Variants in TANC1 observed in about 807,000 individuals in gnomAD.
TANC1 encodes tetratricopeptide repeat, ankyrin repeat and coiled-coil containing 1, also known as protein TANC1.
In TANC1, 77 loss-of-function variants were observed where a neutral mutation model predicts 149.7. The observed-to-expected ratio is 0.51, with a 90% CI of 0.43 to 0.62. The LOEUF (loss-of-function observed/expected upper bound fraction) is 0.62. TANC1 is among the 20% of genes least tolerant of loss of function. The pLI, the probability that TANC1 is intolerant of heterozygous loss-of-function variation, is 0.00. For synonymous variants in TANC1, 854 were observed against 925.0 expected (o/e 0.92, Z 1.39); for missense variants, 1,985 against 2,321.8 (o/e 0.85, Z 2.98).
At chr2:159,022,893 T>G (rs1338566821) in intron 2 of TANC1, among the ~76,000 whole-genome samples, 3 of 152,050 alleles carry the variant, frequency 2.0e-5, no homozygotes, top group African/African-American at 7.2e-5. Flanking sequence ...TTTGATGACT[T>G]TGGGCTAGGT....
chr2:159,156,777 C>T (rs2053482866), intron 7 of TANC1, among the ~76,000 whole-genome samples: 1 of 152,216 alleles, frequency 6.6e-6, no homozygotes, highest in Non-Finnish European at 1.5e-5. Flanking sequence ...TTTATCAAAA[C>T]ACTGTGCTTT....
At chr2:159,206,277 G>A (rs757664395) in intron 19 of TANC1, among the ~76,000 whole-genome samples, 8 of 152,160 alleles carry the variant, frequency 5.3e-5, no homozygotes, top group East Asian at 1.9e-4. Context: ...GATGTGTATG[G>A]GGGTCCTCCA....
At chr2:159,175,491 G>T (rs556834464) in intron 12 of TANC1, among the ~76,000 whole-genome samples, 2 of 152,296 alleles carry the variant, frequency 1.3e-5, no homozygotes, top group African/African-American at 4.8e-5. Context: ...ACAGAAGACT[G>T]TTGCGTATTT....
intron 2 of TANC1, among the ~76,000 whole-genome samples, chr2:159,006,603 A>G (rs1295027165): frequency 6.6e-6 from 1 of 152,208 alleles, no homozygotes; most frequent in Non-Finnish European, 1.5e-5. Flanking sequence ...GAGACAAGTA[A>G]ACACGACTAC....
intron 2 of TANC1, chr2:159,004,215 G>C: frequency 6.2e-7 from 1 of 1,612,644 alleles, no homozygotes; most frequent in Non-Finnish European, 8.5e-7. Context: ...CCCACGGCAA[G>C]TCTTGGACAG....
At chr2:159,034,358 A>T (rs1264650957) in intron 2 of TANC1, among the ~76,000 whole-genome samples, 1 of 152,088 alleles carries the variant, frequency 6.6e-6, no homozygotes, top group Non-Finnish European at 1.5e-5. Flanking sequence ...AATATTTCCC[A>T]CCTGACCCCA....
intron 4 of TANC1, among the ~76,000 whole-genome samples, chr2:159,133,229 G>T (rs1174525980): frequency 3.9e-5 from 6 of 152,018 alleles, no homozygotes; most frequent in Admixed American, 3.9e-4. Context: ...TACCTCCCCA[G>T]GTCCTTCAAA....
At chr2:159,062,973 CAAAAAAAAAA>C (rs58675911) in intron 2 of TANC1, among the ~76,000 whole-genome samples, 9 of 41,216 alleles carry the variant, frequency 2.2e-4, no homozygotes, top group Non-Finnish European at 3.2e-4. Context: ...GACTCCGTCT[CAAAAAAAAAA>C]AAAAAAAAAA....
intron 3 of TANC1, among the ~76,000 whole-genome samples, chr2:159,068,603 A>T (rs2042871578): frequency 6.6e-6 from 1 of 152,232 alleles, no homozygotes; most frequent in South Asian, 2.1e-4. Flanking sequence ...AGCGTTGAAC[A>T]GTTGTTATTC....
Position 159,106,031 on chromosome 2 carries a change from G to A in TANC1, c.259+8197G>A, listed in dbSNP as rs933473721. Among the ~76,000 whole-genome samples the A allele has an allele frequency of 3.3e-5, 5 of 150,944 alleles. No homozygotes were observed. The South Asian group carries it at 6.3e-4, about 19-fold the overall frequency. On this transcript the variant is annotated intron_variant, in intron 4 of 26. Transcript: ENST00000263635. ...TAATTAGGTTACAGTGTTTTATGACGCACAGAAGTTTTTCATTTTCTCCAG... is the reference window on the plus strand; with the variant it reads ...TAATTAGGTTACAGTGTTTTATGACACACAGAAGTTTTTCATTTTCTCCAG...
rs529516236 is a variant in TANC1, at chr2:159,200,176, G to A, written c.3244+1123G>A. Among the ~76,000 whole-genome samples, 4 of 152,320 alleles carry A rather than the reference G, an allele frequency of 2.6e-5. No homozygotes were observed. In the East Asian group the frequency reaches 7.7e-4, roughly 29 times the overall value. Reference sequence around the variant, plus strand: ...TTTCCATCACATTCCAAATGATGTGGTGGGCAGCAGTGTTGCTGAGTGGAT... The same window carrying A: ...TTTCCATCACATTCCAAATGATGTGATGGGCAGCAGTGTTGCTGAGTGGAT... On this transcript the variant is annotated intron_variant, in intron 19 of 26. Transcript: ENST00000263635.
intron 2 of TANC1, among the ~76,000 whole-genome samples, chr2:159,035,450 A>G (rs1177380023): frequency 6.6e-6 from 1 of 152,252 alleles, no homozygotes; most frequent in Non-Finnish European, 1.5e-5. Flanking sequence ...GAACACAGGA[A>G]TGCCAAAACA....
At chr2:159,194,574 G>A in intron 17 of TANC1, 81 bp downstream of exon 17, 1 of 1,245,978 alleles carries the variant, frequency 8.0e-7, no homozygotes, top group Non-Finnish European at 1.2e-6. Context: ...TGCTGGGCCA[G>A]ACTCTCTTGT....
intron 4 of TANC1, among the ~76,000 whole-genome samples, chr2:159,132,655 ATTT>A (rs35719354): frequency 2.4e-4 from 30 of 127,252 alleles, no homozygotes; most frequent in Admixed American, 7.1e-4. Flanking sequence ...CACCCAGCTA[ATTT>A]TTTTTTTTTT....
rs752796344 is a variant in TANC1 at position 159,230,225 on chromosome 2, G to A, written c.4799G>A (p.Arg1600Gln). Reference sequence around the variant, plus strand: ...GCTGGTTGTGGCCACTTTGGGGATCGGCTGGGCCCCAGCCAGAATGTCCGC... The same window carrying A: ...GCTGGTTGTGGCCACTTTGGGGATCAGCTGGGCCCCAGCCAGAATGTCCGC... The part of the protein sequence containing the change: ...TRAGCGHFGD[R>Q]LGPSQNVRLQ... The change falls in exon 27 of 27, where the codon CGG becomes CAG. Residue 1600 changes from arginine to glutamine, a missense_variant. Transcript: ENST00000263635. This position sits in a 1 kb window ranked among gnomAD's most constrained non-coding sequence, Gnocchi z 4.4. 1.2e-5 allele frequency: 20 copies of A among 1,613,942 alleles called. No homozygotes were observed. The highest frequency in any genetic ancestry group is 1.1e-4 in the East Asian group (5 of 44,874).
rs1171466588 is a variant in TANC1 at position 159,219,677 on chromosome 2, G to C, written c.3503-15G>C. On this transcript the variant is annotated splice_polypyrimidine_tract_variant and intron_variant, in intron 21 of 26. Coordinates refer to ENST00000263635, the MANE Select transcript of TANC1 (RefSeq NM_033394.3). ...CTCATAATGTTCATGTTCTGTGAAT[G>C]GGCTTTCCTTTCAGGTGCAGCCCTT... The C allele has an allele frequency of 6.2e-7, 1 of 1,614,078 alleles. No homozygotes were observed. Among genetic ancestry groups the C allele is most frequent in the Admixed American group, 1.7e-5 (1 of 60,008 alleles).
chr2:159,150,620 C>A, intron 7 of TANC1, 64 bp downstream of exon 7: 1 of 1,321,150 alleles, frequency 7.6e-7, no homozygotes, highest in South Asian at 1.3e-5. Flanking sequence ...ATTCACCAGG[C>A]ACTTCCTCAG....
intron 8 of TANC1, among the ~76,000 whole-genome samples, chr2:159,166,052 A>G (rs2054570433): frequency 6.6e-6 from 1 of 152,256 alleles, no homozygotes; most frequent in South Asian, 2.1e-4. Context: ...AAAGATATTT[A>G]TTAGAGTGGG....
At chr2:159,173,081 G>GTGGGTGATTTGAGA (rs1389976410) in intron 11 of TANC1, among the ~76,000 whole-genome samples, 15 of 152,248 alleles carry the variant, frequency 9.9e-5, no homozygotes, top group African/African-American at 3.4e-4. Flanking sequence ...CTAGTCATGA[G>GTGGGTGATTTGAGA]TGGGTGATTT....
Sources: allele counts gnomAD v4.1 joint callset (sites outside exome capture counted in the v4.1 genomes callset), GRCh38; gene constraint gnomAD v4.1.1; non-coding constraint Gnocchi (gnomAD v3.1); transcripts MANE v1.5; gene names NCBI Gene and HGNC (gene_info 2026-07-23, HGNC 2026-07-21).